The following ARHGAP40 variants were observed in gnomAD, a reference collection of about 807,000 sequenced individuals.
ARHGAP40 encodes Rho GTPase activating protein 40, also known as rho GTPase-activating protein 40.
A neutral mutation model predicts 73.5 loss-of-function variants in ARHGAP40; 43 were observed. The ratio of observed to expected loss-of-function variants is 0.58; its 90% CI spans 0.46 to 0.75. The LOEUF (loss-of-function observed/expected upper bound fraction) is 0.75, where lower values mean the gene tolerates loss of function less well. Ranked by LOEUF, ARHGAP40 falls within the 30% of genes least tolerant of loss-of-function variation. ARHGAP40 has a pLI of 0.00. For missense variants in ARHGAP40, 734 were observed against 861.8 expected (o/e 0.85, Z 1.86); for synonymous variants, 300 against 352.8 (o/e 0.85, Z 1.68).
At chr20:38,619,691 T>C (rs1200221158) in intron 1 of ARHGAP40, among the ~76,000 whole-genome samples, 1 of 148,688 alleles carries the variant, frequency 6.7e-6, no homozygotes, top group Non-Finnish European at 1.5e-5. Flanking sequence ...GCTTTGTCAC[T>C]TGCCAATGGG....
intron 1 of ARHGAP40, among the ~76,000 whole-genome samples, chr20:38,606,743 G>A (rs2088772454): frequency 6.6e-6 from 1 of 152,258 alleles, no homozygotes; most frequent in South Asian, 2.1e-4. Flanking sequence ...ACCTTTACAA[G>A]GTTCACCTTC....
intron 6 of ARHGAP40, among the ~76,000 whole-genome samples, 191 bp downstream of exon 6, chr20:38,634,976 G>A (rs1437947256): frequency 6.6e-6 from 1 of 152,020 alleles, no homozygotes; most frequent in East Asian, 1.9e-4. Context: ...CCGCCTCCCG[G>A]GTTCAAGCAA....
intron 13 of ARHGAP40, among the ~76,000 whole-genome samples, chr20:38,648,021 A>T (rs1441541358): frequency 6.6e-6 from 1 of 152,182 alleles, no homozygotes; most frequent in African/African-American, 2.4e-5. Context: ...GGGTACAGGA[A>T]ACAGCCTGAG....
chr20:38,637,865 T>G (rs1225077056), intron 7 of ARHGAP40, 66 bp downstream of exon 7: 2 of 1,198,734 alleles, frequency 1.7e-6, no homozygotes, highest in Middle Eastern at 2.3e-4. Context: ...GGGACCATTG[T>G]CAGGAGACAT....
At chr20:38,645,025 C>A (rs764733150) in intron 11 of ARHGAP40, among the ~76,000 whole-genome samples, 3 of 152,204 alleles carry the variant, frequency 2.0e-5, no homozygotes, top group Non-Finnish European at 2.9e-5. Context: ...TTTCTTCCTA[C>A]CCTGCCTGGG....
chr20:38,602,726 C>T (rs1212767448), intron 1 of ARHGAP40, among the ~76,000 whole-genome samples: 2 of 152,182 alleles, frequency 1.3e-5, no homozygotes, highest in Non-Finnish European at 2.9e-5. Context: ...TAAACCTAAA[C>T]TTGTATAGTT....
chr20:38,604,960 A>T (rs1286264234), intron 1 of ARHGAP40, among the ~76,000 whole-genome samples: 2 of 151,412 alleles, frequency 1.3e-5, no homozygotes, highest in African/African-American at 2.4e-5. Flanking sequence ...AAAAGCGAAA[A>T]CTACTTCCCT....
At chr20:38,601,881 C>T (rs1249425603) in exon 1 of ARHGAP40, 2 of 1,284,624 alleles carry the variant, frequency 1.6e-6, no homozygotes, top group Non-Finnish European at 2.0e-6. Flanking sequence ...CTCACATTGC[C>T]GATCGAGTCA....
chr20:38,637,495 A>G (rs539216663), intron 6 of ARHGAP40, among the ~76,000 whole-genome samples: 1 of 152,174 alleles, frequency 6.6e-6, no homozygotes, highest in South Asian at 2.1e-4. Context: ...TCTGAGACAT[A>G]TCTCCTCAGC....
intron 1 of ARHGAP40, among the ~76,000 whole-genome samples, chr20:38,620,871 C>T (rs940022616): frequency 8.5e-5 from 13 of 152,144 alleles, no homozygotes; most frequent in South Asian, 2.1e-4. Flanking sequence ...GTGGGCAGGA[C>T]GCTTGAGAGG....
At chr20:38,609,316 A>T (rs575717301) in intron 1 of ARHGAP40, among the ~76,000 whole-genome samples, 2 of 152,136 alleles carry the variant, frequency 1.3e-5, no homozygotes, top group South Asian at 2.1e-4. Context: ...AGATTGCTGC[A>T]CCCCACCCCC....
chr20:38,629,768 C>G (rs2088926031), intron 5 of ARHGAP40, 118 bp downstream of exon 5: 4 of 1,101,778 alleles, frequency 3.6e-6, no homozygotes, highest in African/African-American at 1.6e-5. Flanking sequence ...TTAATTCATT[C>G]ATTCATTTAA....
At chr20:38,627,343 G>GGAGTTGGTATGT in intron 3 of ARHGAP40, 128 bp downstream of exon 3, 1 of 658,886 alleles carries the variant, frequency 1.5e-6, no homozygotes, top group Non-Finnish European at 2.2e-6. Flanking sequence ...TTGGTGTGTG[G>GGAGTTGGTATGT]GTGTTGGTAT....
chr20:38,643,347 G>A (rs2089030890), intron 10 of ARHGAP40, among the ~76,000 whole-genome samples: 1 of 152,118 alleles, frequency 6.6e-6, no homozygotes, highest in African/African-American at 2.4e-5. Context: ...TGCATTTTGG[G>A]TAGACCCAGA....
At chr20:38,632,706 T>C (rs2088948720) in intron 5 of ARHGAP40, among the ~76,000 whole-genome samples, 2 of 152,280 alleles carry the variant, frequency 1.3e-5, no homozygotes, top group African/African-American at 4.8e-5. Context: ...CCAGGCATGG[T>C]GGCGCACACC....
chr20:38,623,340 C>A lies in ARHGAP40; in HGVS notation c.138-19C>A, dbSNP rs1568606622. On this transcript the variant is annotated intron_variant, in intron 1 of 14. Coordinates refer to ENST00000373345, the Ensembl canonical transcript of ARHGAP40. ...GCAGAGACTTGCTGACCTCCCTGCA[C>A]CTTCCCCACTTGCTACAGCTCTGGC... 7.8e-7 allele frequency: 1 copy of A among 1,277,976 alleles called. No individual in the cohort carries two copies. Among genetic ancestry groups the A allele is most frequent in the Non-Finnish European group, 1.0e-6 (1 of 982,160 alleles). 79.2% of individuals were successfully genotyped at this position (1,277,976 alleles called of 1,614,324 possible).
In ARHGAP40 at chr20:38,610,775, G is replaced by A. The variant is rs113793428; in HGVS notation, c.137+8696G>A. ...CCAATATACCAGTTCAGAGTTGCTC[G>A]TAGGGGTGTGTGAGTTCACCTTTGT... is the stretch of plus-strand genomic sequence containing the variant. On this transcript the variant is annotated intron_variant, in intron 1 of 14. Transcript: ENST00000373345. 4.7e-3 allele frequency among the ~76,000 whole-genome samples: 710 copies of A among 152,210 alleles called. 7 individuals carry two copies. Among genetic ancestry groups the A allele is most frequent in the African/African-American group, 0.016 (651 of 41,544 alleles).
At position 38,640,134 on chromosome 20, in the gene ARHGAP40, C is replaced by CTTCTTCT. The variant is rs1568611124; in HGVS notation, c.1279+757_1279+763dup. 2.7e-3 allele frequency among the ~76,000 whole-genome samples: 203 copies of CTTCTTCT among 75,830 alleles called. 2 individuals are homozygous for CTTCTTCT. The highest frequency in any genetic ancestry group is 0.024 in the African/African-American group (192 of 8,032). The allele number at this position is 75,830 out of a possible 152,430, so 49.7% of individuals were successfully genotyped here. ...CTTCTTCCTCTTCTTCCTCTTCTTT[C>CTTCTTCT]TTCTTCTTTCTTCTTCCTCTTCTTT... On this transcript the variant is annotated intron_variant, in intron 9 of 14. Coordinates refer to ENST00000373345, the Ensembl canonical transcript of ARHGAP40.
At chr20:38,643,385 C>T (rs2089031113) in intron 10 of ARHGAP40, among the ~76,000 whole-genome samples, 1 of 152,196 alleles carries the variant, frequency 6.6e-6, no homozygotes, top group Non-Finnish European at 1.5e-5. Context: ...TATCCTGGGC[C>T]TCACCAGGAA....
Sources: gnomAD v4.1 joint callset for allele counts (sites outside exome capture counted in the v4.1 genomes callset) on GRCh38, gnomAD v4.1.1 for gene constraint, MANE v1.5 for transcripts, NCBI Gene and HGNC (gene_info 2026-07-23, HGNC 2026-07-21) for gene names.